TACC1: variants seen among roughly 807,000 people sequenced by gnomAD.
TACC1 encodes transforming acidic coiled-coil containing protein 1.
In TACC1, 48 loss-of-function variants were observed where a neutral mutation model predicts 84.4. The observed-to-expected ratio is 0.57, with a 90% confidence interval of 0.45 to 0.72. TACC1 has a LOEUF of 0.72. Ranked by LOEUF, TACC1 falls within the 30% of genes least tolerant of loss-of-function variation. TACC1 has a pLI of 0.00. For synonymous variants in TACC1, 372 were observed against 376.3 expected (o/e 0.99, Z 0.13); for missense variants, 920 against 973.0 (o/e 0.95, Z 0.72).
At position 38,788,098 on chromosome 8, in the gene TACC1, G is replaced by C. The variant is rs993556656; in HGVS notation, c.161+355G>C. On this transcript the variant is annotated intron_variant, in intron 1 of 12. Transcript: ENST00000317827. ...CCAGTGCAACTTAGGGCCCCCCCGT[G>C]GGGAAGAAGTCGCTCCCCGGCCCTT... 4 of 242,720 alleles carry C rather than the reference G, an allele frequency of 1.6e-5. No individual in the cohort carries two copies. The Admixed American group carries it at 2.2e-4, about 13-fold the overall frequency. The allele number at this position is 242,720 out of a possible 1,614,324, so 15.0% of individuals were successfully genotyped here.
At chr8:38,741,154 GC>G (rs1806989832) in intron 1 of TACC1, among the ~76,000 whole-genome samples, 1 of 150,192 alleles carries the variant, frequency 6.7e-6, no homozygotes, top group African/African-American at 2.5e-5. Flanking sequence ...TACTCATGCT[GC>G]TATTTTTTTT....
At chr8:38,806,559 T>C (rs1822780760) in intron 2 of TACC1, among the ~76,000 whole-genome samples, 1 of 151,922 alleles carries the variant, frequency 6.6e-6, no homozygotes, top group Non-Finnish European at 1.5e-5. Context: ...GGGATGGGGC[T>C]GGCTAGGTTG....
chr8:38,846,886 C>G, intron 12 of TACC1, 67 bp downstream of exon 12: 1 of 1,579,668 alleles, frequency 6.3e-7, no homozygotes, highest in Non-Finnish European at 8.6e-7. Context: ...CAGTGACTCA[C>G]TTAATGACAG....
intron 1 of TACC1, among the ~76,000 whole-genome samples, chr8:38,737,855 G>A (rs2064058057): frequency 6.6e-6 from 1 of 151,826 alleles, no homozygotes; most frequent in African/African-American, 2.4e-5. Flanking sequence ...AGCCTCCAAA[G>A]TAGCTGGGAT....
exon 3 of TACC1, chr8:38,745,189 C>T (rs1304855958): frequency 5.9e-6 from 2 of 336,728 alleles, no homozygotes; most frequent in Non-Finnish European, 1.1e-5. Context: ...CCCACATACA[C>T]ACAAAATACA....
At chr8:38,749,222 A>G (rs1403423145) in intron 3 of TACC1, among the ~76,000 whole-genome samples, 1 of 152,220 alleles carries the variant, frequency 6.6e-6, no homozygotes, top group African/African-American at 2.4e-5. Context: ...ATCTAATCAA[A>G]GATGAAATAG....
intron 1 of TACC1, among the ~76,000 whole-genome samples, chr8:38,737,974 G>A (rs1344361598): frequency 1.3e-5 from 2 of 152,030 alleles, no homozygotes; most frequent in Non-Finnish European, 2.9e-5. Context: ...TGATCTGCCC[G>A]CCTCAGCCTC....
At chr8:38,738,703 C>A (rs1366686968) in intron 1 of TACC1, among the ~76,000 whole-genome samples, 2 of 151,662 alleles carry the variant, frequency 1.3e-5, no homozygotes, top group East Asian at 3.9e-4. Flanking sequence ...ACAAGATACT[C>A]CAGGCTCATC....
At position 38,814,944 on chromosome 8, in the gene TACC1, T is replaced by C. The variant is rs545870808; in HGVS notation, c.278-4578T>C. 5.3e-5 allele frequency among the ~76,000 whole-genome samples: 8 copies of C among 152,360 alleles called. No homozygotes were observed. The East Asian group carries it at 1.5e-3, about 29-fold the overall frequency. Reference sequence around the variant, plus strand: ...TACCAATATTTTAGAAGTAGAATTTTTATTTTTAGCAAATCCATCATGATT... The same window carrying C: ...TACCAATATTTTAGAAGTAGAATTTCTATTTTTAGCAAATCCATCATGATT... On this transcript the variant is annotated intron_variant, in intron 2 of 12. Transcript: ENST00000317827.
intron 3 of TACC1, among the ~76,000 whole-genome samples, chr8:38,749,005 G>A (rs1808548513): frequency 6.6e-6 from 1 of 151,742 alleles, no homozygotes; most frequent in Admixed American, 6.6e-5. Context: ...AAAGCAAAAA[G>A]CAGTCCTTTG....
In TACC1 at chr8:38,819,754, A is replaced by G. The variant is rs1563761513; in HGVS notation, c.510A>G (p.Ala170=). The G allele has an allele frequency of 8.7e-6, 14 of 1,614,070 alleles. No individual in the cohort carries two copies. Among genetic ancestry groups the G allele is most frequent in the Non-Finnish European group, 1.2e-5 (14 of 1,180,046 alleles). The change falls in exon 3 of 13, where the codon GCA becomes GCG. Residue 170 remains alanine (A), a synonymous_variant. Coordinates refer to ENST00000317827, the MANE Select transcript of TACC1 (RefSeq NM_006283.3). ...TCTCGGCAGTCCTCGGAACAAAAGC[A>G]GCTCATGGCTGTGTAACTGCAGTCT... ...TDISAVLGTK[A]AHGCVTAVSG... is the part of the protein sequence containing the mutation.
chr8:38,772,115 T>G (rs2151894689), intron 3 of TACC1, among the ~76,000 whole-genome samples: 1 of 151,768 alleles, frequency 6.6e-6, no homozygotes, highest in African/African-American at 2.4e-5. Context: ...ACATTCAAAC[T>G]TCAGAAATAA....
intron 7 of TACC1, among the ~76,000 whole-genome samples, chr8:38,837,139 G>A (rs1830387939): frequency 6.8e-6 from 1 of 147,310 alleles, no homozygotes; most frequent in East Asian, 2.0e-4. Context: ...TAAAATCTTG[G>A]CGCAGTAGCT....
chr8:38,734,097 G>A (rs1368435751), intron 1 of TACC1, among the ~76,000 whole-genome samples: 1 of 152,166 alleles, frequency 6.6e-6, no homozygotes, highest in Non-Finnish European at 1.5e-5. Context: ...AGATTTTGGG[G>A]ATGGCAAAGA....
intron 3 of TACC1, among the ~76,000 whole-genome samples, chr8:38,776,151 A>T (rs1350918239): frequency 6.6e-6 from 1 of 152,240 alleles, no homozygotes; most frequent in African/African-American, 2.4e-5. Flanking sequence ...AATAACCTTC[A>T]TCAATATGTA....
Position 38,846,729 on chromosome 8 carries a change from A to G in TACC1, c.2259A>G (p.Thr753=), listed in dbSNP as rs886535070. ...ATGAAGAGATTGCTCAGGTTCGAAC[A>G]AAAGCAAAGGCTGAGAGTGCAGCTC... ...KANEEIAQVR[T]KAKAESAALH... is the part of the protein sequence containing the mutation. The change falls in exon 12 of 13, where the codon ACA becomes ACG. Residue 753 remains threonine (T), a synonymous_variant. Coordinates refer to ENST00000317827, the MANE Select transcript of TACC1 (RefSeq NM_006283.3). 1.9e-6 allele frequency: 3 copies of G among 1,614,212 alleles called. No homozygotes were observed. The highest frequency in any genetic ancestry group is 2.5e-6 in the Non-Finnish European group (3 of 1,180,032).
rs1313046495 is a variant in TACC1 at position 38,838,476 on chromosome 8, A to G, written c.1846A>G (p.Thr616Ala). ...AAGCTTTATTGTACTCTAGATAATT[A>G]CTAAAGAGATTGAAGCAAATGAATG... is the stretch of plus-strand genomic sequence containing the variant. ...VLTLIREEII[T>A]KEIEANEWKK... is the part of the protein sequence containing the mutation. The change falls in exon 8 of 13, where the codon ACT (threonine) becomes GCT (alanine). Residue 616 changes from threonine to alanine, a missense_variant. Thr to Ala is a moderately conservative substitution (Grantham distance 58). Transcript: ENST00000317827. The G allele has an allele frequency of 6.2e-7, 1 of 1,612,194 alleles. No individual in the cohort carries two copies. Among genetic ancestry groups the G allele is most frequent in the Non-Finnish European group, 8.5e-7 (1 of 1,178,228 alleles).
At chr8:38,738,831 T>C (rs1025601453) in intron 1 of TACC1, among the ~76,000 whole-genome samples, 1 of 152,202 alleles carries the variant, frequency 6.6e-6, no homozygotes, top group Admixed American at 6.5e-5. Flanking sequence ...TTGTTGATAC[T>C]GGGGTGCCAT....
chr8:38,844,159 A>G (rs561559805), intron 11 of TACC1, among the ~76,000 whole-genome samples: 1 of 152,058 alleles, frequency 6.6e-6, no homozygotes, highest in East Asian at 1.9e-4. Context: ...CAGAGCATTT[A>G]TTTATTTATT....
Sources: gnomAD v4.1 joint callset for allele counts (sites outside exome capture counted in the v4.1 genomes callset) on GRCh38, gnomAD v4.1.1 for gene constraint, MANE v1.5 for transcripts, NCBI Gene and HGNC (gene_info 2026-07-23, HGNC 2026-07-21) for gene names.